Variants in AOAH observed in about 807,000 individuals in gnomAD.
AOAH encodes the protein acyloxyacyl hydrolase (neutrophil).
AOAH carries 64 observed loss-of-function variants against 92.2 expected under a neutral mutation model. That is an observed-to-expected ratio of 0.69 (90% CI 0.57 to 0.86). The LOEUF (loss-of-function observed/expected upper bound fraction) is 0.86, where lower values mean the gene tolerates loss of function less well. AOAH is among the 40% of genes least tolerant of loss of function. AOAH has a pLI of 0.00. For synonymous variants in AOAH, 263 were observed against 254.5 expected (o/e 1.03, Z -0.32); for missense variants, 656 against 694.6 (o/e 0.94, Z 0.62).
chr7:36,673,688 G>A (rs929752387), intron 3 of AOAH, among the ~76,000 whole-genome samples: 5 of 152,230 alleles, frequency 3.3e-5, no homozygotes, highest in African/African-American at 9.6e-5. Flanking sequence ...CCAGGGAGGC[G>A]GAGAGGGCTC....
intron 5 of AOAH, among the ~76,000 whole-genome samples, chr7:36,635,690 G>T (rs1479947505): frequency 1.3e-5 from 2 of 152,082 alleles, no homozygotes; most frequent in African/African-American, 4.8e-5. Flanking sequence ...GTACTAAGGA[G>T]GCCTTGTTGA....
At chr7:36,557,409 C>T (rs1786827168) in intron 13 of AOAH, among the ~76,000 whole-genome samples, 1 of 152,154 alleles carries the variant, frequency 6.6e-6, no homozygotes. Context: ...TCTCTGGCTG[C>T]CCTTAACATT....
At chr7:36,616,896 A>G (rs1791930800) in intron 10 of AOAH, among the ~76,000 whole-genome samples, 1 of 152,216 alleles carries the variant, frequency 6.6e-6, no homozygotes, top group South Asian at 2.1e-4. Flanking sequence ...CAAGGATGTT[A>G]TGGTCTTTTA....
intron 1 of AOAH, among the ~76,000 whole-genome samples, chr7:36,698,881 A>C (rs1562708641): frequency 6.6e-6 from 1 of 152,052 alleles, no homozygotes; most frequent in South Asian, 2.1e-4. Flanking sequence ...TCACTCTACT[A>C]ATCTATTGAA....
At chr7:36,667,810 C>A (rs1488389022) in intron 3 of AOAH, among the ~76,000 whole-genome samples, 1 of 152,142 alleles carries the variant, frequency 6.6e-6, no homozygotes, top group Non-Finnish European at 1.5e-5. Flanking sequence ...AACTCTTATC[C>A]CTTTATCCCT....
intron 11 of AOAH, among the ~76,000 whole-genome samples, chr7:36,601,047 C>G (rs569746715): frequency 2.0e-4 from 30 of 152,246 alleles, no homozygotes; most frequent in Non-Finnish European, 4.1e-4. Context: ...GGGGAAAGGC[C>G]CCCGGGAGAT....
In AOAH at chr7:36,593,426, C is replaced by G. The variant is rs1487813441; in HGVS notation, c.938+913G>C. On this transcript the variant is annotated intron_variant, in intron 12 of 20. Coordinates refer to ENST00000617537, the MANE Select transcript of AOAH (RefSeq NM_001637.4). ...GTTCCTTACAGATTTGGGTAAATCA[C>G]ACCCCATGCACACTTGCCCTCCTCA... 3.3e-5 allele frequency among the ~76,000 whole-genome samples: 5 copies of G among 152,344 alleles called. 1 individual carries two copies. Among genetic ancestry groups the G allele is most frequent in the Middle Eastern group, 6.8e-3 (2 of 294 alleles).
intron 2 of AOAH, among the ~76,000 whole-genome samples, chr7:36,677,899 C>A (rs189326952): frequency 4.6e-5 from 7 of 152,198 alleles, no homozygotes; most frequent in Admixed American, 2.6e-4. Context: ...CCAAAACAGG[C>A]AAAGTCATAG....
intron 1 of AOAH, among the ~76,000 whole-genome samples, chr7:36,718,479 C>T (rs75315462): frequency 0.014 from 2,096 of 152,268 alleles, 54 homozygotes; most frequent in African/African-American, 0.048. Context: ...AATAAAAACA[C>T]ATGTCTACAC....
At chr7:36,671,591 G>A (rs1422468607) in intron 3 of AOAH, among the ~76,000 whole-genome samples, 2 of 150,692 alleles carry the variant, frequency 1.3e-5, no homozygotes, top group African/African-American at 2.5e-5. Flanking sequence ...GTGTGCATGT[G>A]CTCATGCGTG....
chr7:36,669,993 C>T (rs992894149), intron 3 of AOAH, among the ~76,000 whole-genome samples: 8 of 152,150 alleles, frequency 5.3e-5, no homozygotes, highest in African/African-American at 1.9e-4. Context: ...ATTGAGCTGC[C>T]CCCTGAAGTA....
At chr7:36,563,322 C>A (rs150498992) in intron 13 of AOAH, among the ~76,000 whole-genome samples, 1,753 of 148,230 alleles carry the variant, frequency 0.012, 20 homozygotes, top group Middle Eastern at 0.041. Flanking sequence ...ACCACTTTCC[C>A]AGATCTAGAG....
At chr7:36,695,474 C>A (rs982620015) in intron 1 of AOAH, among the ~76,000 whole-genome samples, 1 of 152,134 alleles carries the variant, frequency 6.6e-6, no homozygotes, top group East Asian at 1.9e-4. Flanking sequence ...CTCATTTAAT[C>A]TTCACAATGT....
chr7:36,682,181 A>C (rs1457242228), intron 2 of AOAH, among the ~76,000 whole-genome samples: 2 of 152,270 alleles, frequency 1.3e-5, no homozygotes, highest in African/African-American at 4.8e-5. Context: ...CAAGGGACCC[A>C]CTGGAGCTCC....
In AOAH at chr7:36,534,858, C is replaced by T. The variant is rs183560625; in HGVS notation, c.1307-2514G>A. Among the ~76,000 whole-genome samples the T allele has an allele frequency of 4.6e-5, 7 of 151,834 alleles. No homozygotes were observed. The East Asian group carries it at 1.4e-3, about 29-fold the overall frequency. ...GCTCTGTCTATGTGTATCTGTGTGT[C>T]TTCATGTGTGTCTGTGTGTCTGTGT... is the stretch of plus-strand genomic sequence containing the variant. On this transcript the variant is annotated intron_variant, in intron 16 of 20. Transcript: ENST00000617537.
At chr7:36,652,463 G>A (rs763820606) in intron 4 of AOAH, among the ~76,000 whole-genome samples, 1 of 151,398 alleles carries the variant, frequency 6.6e-6, no homozygotes, top group Non-Finnish European at 1.5e-5. Context: ...CTGGGAGCAG[G>A]GGCTTGGTCC....
At chr7:36,576,859 T>C (rs1361645451) in intron 12 of AOAH, among the ~76,000 whole-genome samples, 3 of 152,178 alleles carry the variant, frequency 2.0e-5, no homozygotes, top group African/African-American at 7.2e-5. Flanking sequence ...TTGAGTTGTA[T>C]GGGTGTCGTA....
intron 2 of AOAH, among the ~76,000 whole-genome samples, chr7:36,684,136 A>G (rs761564737): frequency 3.9e-5 from 6 of 152,226 alleles, no homozygotes; most frequent in Non-Finnish European, 8.8e-5. Context: ...CAGGCTTGAT[A>G]TGTACCAGAT....
chr7:36,722,171 C>A (rs986940173), intron 1 of AOAH, among the ~76,000 whole-genome samples: 1 of 152,208 alleles, frequency 6.6e-6, no homozygotes, highest in Non-Finnish European at 1.5e-5. Flanking sequence ...AGTGTTCGAA[C>A]AAATTTTTCA....
Sources: gnomAD v4.1 joint callset for allele counts (sites outside exome capture counted in the v4.1 genomes callset) on GRCh38, gnomAD v4.1.1 for gene constraint, MANE v1.5 for transcripts, NCBI Gene and HGNC (gene_info 2026-07-23, HGNC 2026-07-21) for gene names.